Variants in WWOX observed in about 807,000 individuals in gnomAD.
The protein encoded by WWOX is WW domain-containing oxidoreductase.
A neutral mutation model predicts 46.2 loss-of-function variants in WWOX; 69 were observed. The observed-to-expected ratio is 1.49, with a 90% CI of 1.23 to 1.82. The LOEUF (loss-of-function observed/expected upper bound fraction) is 1.82. Ranked by LOEUF, WWOX falls within the 40% of genes most tolerant of loss-of-function variation. WWOX has a pLI of 0.00. For synonymous variants in WWOX, 359 were observed against 202.6 expected (o/e 1.77, Z -6.56); for missense variants, 919 against 542.6 (o/e 1.69, Z -6.89).
intron 8 of WWOX, among the ~76,000 whole-genome samples, chr16:78,588,216 C>G (rs879468799): frequency 6.6e-6 from 1 of 152,204 alleles, no homozygotes; most frequent in Non-Finnish European, 1.5e-5. Context: ...TCTTGAAATA[C>G]TCTGTAGATG....
rs142586497 is a variant in WWOX at position 79,007,101 on chromosome 16, G to C, written c.1057-204507G>C. ...CACAGGCCAGGCGCTATGCCAAGCA[G>C]AGAGGTCACAATAGCAAATGACACA... On this transcript the variant is annotated intron_variant, in intron 8 of 8. Coordinates refer to ENST00000566780, the MANE Select transcript of WWOX (RefSeq NM_016373.4). 7.0e-3 allele frequency among the ~76,000 whole-genome samples: 1,069 copies of C among 152,252 alleles called. 14 individuals carry two copies. Among genetic ancestry groups the C allele is most frequent in the Middle Eastern group, 0.027 (8 of 294 alleles).
At chr16:78,349,348 G>C (rs2081147615) in intron 5 of WWOX, among the ~76,000 whole-genome samples, 1 of 120,966 alleles carries the variant, frequency 8.3e-6, no homozygotes, top group African/African-American at 2.8e-5. Context: ...GTACGGGTTA[G>C]GTCTTCAGCA....
intron 8 of WWOX, among the ~76,000 whole-genome samples, chr16:78,782,852 T>A (rs1024601740): frequency 4.6e-5 from 7 of 152,194 alleles, no homozygotes; most frequent in African/African-American, 1.2e-4. Context: ...CGAAGAACAT[T>A]GTTAATTATA....
intron 8 of WWOX, among the ~76,000 whole-genome samples, chr16:78,796,752 C>T (rs1049582811): frequency 2.0e-5 from 3 of 152,112 alleles, no homozygotes; most frequent in Non-Finnish European, 4.4e-5. Context: ...TCCCAACGGC[C>T]ATCCAGCCAC....
At chr16:78,899,452 A>G (rs1488151521) in intron 8 of WWOX, 1 of 152,168 alleles carries the variant, frequency 6.6e-6, no homozygotes, top group Non-Finnish European at 1.5e-5. Flanking sequence ...TAACTGGAAA[A>G]TGTGTACGAA....
intron 8 of WWOX, among the ~76,000 whole-genome samples, chr16:78,737,670 G>T (rs1299168327): frequency 6.6e-6 from 1 of 152,132 alleles, no homozygotes; most frequent in Admixed American, 6.5e-5. Flanking sequence ...CCAGTCTACA[G>T]GGTTATATTA....
intron 8 of WWOX, among the ~76,000 whole-genome samples, chr16:78,676,199 T>C (rs889622969): frequency 3.3e-5 from 5 of 151,794 alleles, no homozygotes; most frequent in Admixed American, 2.6e-4. Context: ...TTGTTCTATT[T>C]GGATATAAAG....
intron 8 of WWOX, among the ~76,000 whole-genome samples, chr16:79,071,676 C>G (rs1200315238): frequency 4.6e-5 from 7 of 152,226 alleles, no homozygotes; most frequent in African/African-American, 1.7e-4. Context: ...TTCTTGGCCT[C>G]CTGCCCCGCA....
At chr16:78,328,913 G>A (rs904029969) in intron 5 of WWOX, among the ~76,000 whole-genome samples, 4 of 151,840 alleles carry the variant, frequency 2.6e-5, no homozygotes, top group Admixed American at 2.0e-4. Context: ...CCAGGCTGGA[G>A]TGCAGTGGTG....
At chr16:79,210,736 G>C (rs1359999318) in intron 8 of WWOX, among the ~76,000 whole-genome samples, 1 of 152,124 alleles carries the variant, frequency 6.6e-6, no homozygotes, top group Non-Finnish European at 1.5e-5. Context: ...AAAGCAAAGT[G>C]ATTTCTTGCC....
Position 78,422,168 on chromosome 16 carries a change from T to G in WWOX, c.606-2702T>G, listed in dbSNP as rs1401746734. ...GAAGATACGTGTTTGTCTCATAGAT[T>G]TGTAAGAACTCTTTATATACTAAAA... On this transcript the variant is annotated intron_variant, in intron 6 of 8. Transcript: ENST00000566780. 4.6e-5 allele frequency among the ~76,000 whole-genome samples: 7 copies of G among 152,292 alleles called. No individual in the cohort carries two copies. In the East Asian group the frequency reaches 1.4e-3, roughly 29 times the overall value.
In WWOX at chr16:78,293,993, A is replaced by C. The variant is rs547156943; in HGVS notation, c.517-92867A>C. Among the ~76,000 whole-genome samples the C allele has an allele frequency of 7.7e-3, 1,149 of 149,522 alleles. 13 individuals are homozygous for C. Among genetic ancestry groups the C allele is most frequent in the Middle Eastern group, 0.018 (5 of 284 alleles). ...CTCTGTCTCAGAAAAAAAAAAAAAA[A>C]AAAAAAAAAAAAAAAAAGGCTTTCC... On this transcript the variant is annotated intron_variant, in intron 5 of 8. Coordinates refer to ENST00000566780, the MANE Select transcript of WWOX (RefSeq NM_016373.4).
At chr16:78,617,450 C>T (rs1046019946) in intron 8 of WWOX, among the ~76,000 whole-genome samples, 3 of 151,466 alleles carry the variant, frequency 2.0e-5, no homozygotes, top group Admixed American at 6.6e-5. Context: ...GCTGCTTTGC[C>T]TAAGTATTTC....
chr16:78,795,418 A>G (rs2050711373), intron 8 of WWOX, among the ~76,000 whole-genome samples: 1 of 152,162 alleles, frequency 6.6e-6, no homozygotes, highest in Admixed American at 6.5e-5. Context: ...AGATCCTTGA[A>G]TTGGGAAGGC....
intron 8 of WWOX, among the ~76,000 whole-genome samples, chr16:78,587,757 C>T (rs2045250815): frequency 6.6e-6 from 1 of 152,096 alleles, no homozygotes; most frequent in African/African-American, 2.4e-5. Flanking sequence ...CATTTGTTGG[C>T]CAGCTAATAC....
At chr16:78,174,686 A>C (rs1328185025) in intron 5 of WWOX, among the ~76,000 whole-genome samples, 1 of 152,164 alleles carries the variant, frequency 6.6e-6, no homozygotes, top group Non-Finnish European at 1.5e-5. Flanking sequence ...CAATGTGTCA[A>C]TTAATAATCT....
chr16:78,247,427 C>A (rs1257190339), intron 5 of WWOX, among the ~76,000 whole-genome samples: 3 of 152,098 alleles, frequency 2.0e-5, no homozygotes, highest in African/African-American at 7.2e-5. Flanking sequence ...AAAGATGCCT[C>A]TGGGGATCCC....
chr16:78,655,634 G>C (rs948947122), intron 8 of WWOX, among the ~76,000 whole-genome samples: 2 of 152,250 alleles, frequency 1.3e-5, no homozygotes, highest in Admixed American at 1.3e-4. Flanking sequence ...AGTGATAATT[G>C]GGTTTGGAAT....
intron 8 of WWOX, among the ~76,000 whole-genome samples, chr16:79,175,815 TCTCA>T (rs2050788987): frequency 1.3e-5 from 2 of 152,150 alleles, no homozygotes; most frequent in African/African-American, 2.4e-5. Context: ...GCCCTTTTTG[TCTCA>T]CTCCTTCCTC....
Sources: gnomAD v4.1 joint callset for allele counts (sites outside exome capture counted in the v4.1 genomes callset) on GRCh38, gnomAD v4.1.1 for gene constraint, MANE v1.5 for transcripts, NCBI Gene and HGNC (gene_info 2026-07-23, HGNC 2026-07-21) for gene names.